Variants in FUNDC2 observed in about 807,000 individuals in gnomAD.
The protein encoded by FUNDC2 is FUN14 domain containing 2, also known as FUN14 domain-containing protein 2.
In FUNDC2, 4 loss-of-function variants were observed where a neutral mutation model predicts 15.6. That is an observed-to-expected ratio of 0.26 (90% confidence interval 0.13 to 0.59). The LOEUF is 0.59. Among genes scored for constraint, FUNDC2 ranks in the 20% least tolerant of loss-of-function variants. The probability of loss-of-function intolerance (pLI) is 0.90; values close to 1 mark genes in which losing one functional copy is unlikely to be tolerated. For synonymous variants in FUNDC2, 44 were observed against 56.9 expected (o/e 0.77, Z 1.02); for missense variants, 98 against 149.7 (o/e 0.65, Z 1.80).
At chrX:155,031,587 C>T (rs1447646860) in intron 1 of FUNDC2, among the ~76,000 whole-genome samples, 2 of 112,729 alleles carry the variant, frequency 1.8e-5, no homozygotes, top group African/African-American at 3.2e-5. Flanking sequence ...CCCAGGCTTT[C>T]CAAAGTGCTG....
At chrX:155,050,150 G>C (rs1208557724) in intron 3 of FUNDC2, 2 of 111,935 alleles carry the variant, frequency 1.8e-5, no homozygotes, top group African/African-American at 6.5e-5. Context: ...ACGGCGGACA[G>C]CTTTGCCTTG....
chrX:155,059,608 TA>T lies in FUNDC2; in HGVS notation c.*4938del, dbSNP rs1174873219. On this transcript the variant is annotated 3_prime_UTR_variant, in exon 5 of 5. Transcript: ENST00000369498. ...TATTTTATTTTTTTGTATGTCATAA[TA>T]ATACCTAAGAATAAGAAGAGTTAAA... The T allele has an allele frequency of 8.9e-6, 1 of 111,873 alleles. No homozygotes were observed. Among genetic ancestry groups the T allele is most frequent in the Admixed American group, 9.5e-5 (1 of 10,579 alleles). The allele number at this position is 111,873 out of a possible 1,213,427, so 9.2% of individuals were successfully genotyped here.
intron 3 of FUNDC2, among the ~76,000 whole-genome samples, chrX:155,048,749 GTCT>G (rs782788801): frequency 1.6e-4 from 18 of 112,232 alleles, no homozygotes; most frequent in South Asian, 3.6e-4. Context: ...AATTATTTAG[GTCT>G]TCTTTAATGC....
intron 2 of FUNDC2, among the ~76,000 whole-genome samples, chrX:155,044,395 A>G (rs1225273684): frequency 2.7e-5 from 3 of 111,915 alleles, no homozygotes; most frequent in African/African-American, 9.8e-5. Flanking sequence ...CAGAAGTCAG[A>G]AAGAGGAGGA....
rs782529021 is a variant in FUNDC2, at chrX:155,042,076, A to G, written c.285-4433A>G. On this transcript the variant is annotated intron_variant, in intron 2 of 4. Transcript: ENST00000369498. Reference sequence around the variant, plus strand: ...AGAGCGAGACTCCGTCTCAAAAAAAAAAAAAAAAAAGAAAAAAAAGAAAAA... The same window carrying G: ...AGAGCGAGACTCCGTCTCAAAAAAAGAAAAAAAAAAGAAAAAAAAGAAAAA... Among the ~76,000 whole-genome samples, 528 of 106,096 alleles carry G rather than the reference A, an allele frequency of 5.0e-3. 4 individuals are homozygous for G. The highest frequency in any genetic ancestry group is 0.017 in the African/African-American group (497 of 29,735). 92.1% of individuals were successfully genotyped at this position (106,096 alleles called of 115,157 possible).
intron 3 of FUNDC2, among the ~76,000 whole-genome samples, chrX:155,048,067 G>A (rs1350463841): frequency 9.0e-6 from 1 of 111,601 alleles, no homozygotes; most frequent in Non-Finnish European, 1.9e-5. Flanking sequence ...TTTTAATATT[G>A]CTTTGAAATG....
chrX:155,048,640 C>T, intron 3 of FUNDC2, among the ~76,000 whole-genome samples: 2 of 112,571 alleles, frequency 1.8e-5, no homozygotes, highest in Admixed American at 1.9e-4. Flanking sequence ...CAGTTATTTT[C>T]AAAAATCCTG....
rs2073910141 is a variant in FUNDC2 at position 155,057,371 on chromosome X, C to CCAAGG, written c.*2699_*2700insCAAGG. 9.0e-6 allele frequency: 1 copy of CCAAGG among 111,315 alleles called. No homozygotes were observed. Among genetic ancestry groups the CCAAGG allele is most frequent in the Non-Finnish European group, 1.9e-5 (1 of 52,576 alleles). 9.2% of individuals were successfully genotyped at this position (111,315 alleles called of 1,213,427 possible). On this transcript the variant is annotated 3_prime_UTR_variant, in exon 5 of 5. Transcript: ENST00000369498. The stretch of plus-strand genomic sequence containing the variant: ...ACTACTTTCATTTGACTGGAGAGGC[C>CCAAGG]TGCTTAGCTAGGCACGTATTTTCTC...
At chrX:155,039,041 A>G (rs1224179079) in intron 2 of FUNDC2, among the ~76,000 whole-genome samples, 1 of 112,276 alleles carries the variant, frequency 8.9e-6, no homozygotes, top group Non-Finnish European at 1.9e-5. Context: ...GATGATAGCC[A>G]TCCTAACAGG....
At chrX:155,043,284 A>G (rs1245124423) in intron 2 of FUNDC2, among the ~76,000 whole-genome samples, 1 of 112,335 alleles carries the variant, frequency 8.9e-6, no homozygotes, top group South Asian at 3.6e-4. Context: ...TCTACTTATT[A>G]TGTGCAATCT....
Position 155,056,581 on chromosome X carries a change from T to C in FUNDC2, c.*1909T>C, listed in dbSNP as rs1490890372. ...CTCTATATATATTGATATAGACATA[T>C]GTAGTGACACTGAGTCATCTGTTTC... On this transcript the variant is annotated 3_prime_UTR_variant, in exon 5 of 5. Transcript: ENST00000369498. 1 of 110,066 alleles carries C rather than the reference T, an allele frequency of 9.1e-6. No homozygotes were observed. Among genetic ancestry groups the C allele is most frequent in the Non-Finnish European group, 1.9e-5 (1 of 52,742 alleles). The allele number at this position is 110,066 out of a possible 1,213,427, so 9.1% of individuals were successfully genotyped here.
chrX:155,054,374 T>C, intron 4 of FUNDC2: 1 of 749,566 alleles, frequency 1.3e-6, no homozygotes, highest in South Asian at 6.8e-5. Context: ...TCTAGTCTTA[T>C]TCTCCCCACA....
At chrX:155,031,404 A>G (rs5945130) in intron 1 of FUNDC2, among the ~76,000 whole-genome samples, 26,138 of 110,978 alleles carry the variant, frequency 0.24, 2,264 homozygotes, top group South Asian at 0.39. Flanking sequence ...TCCTTGGCTC[A>G]CTGCAACCTT....
chrX:155,054,408 G>C, intron 4 of FUNDC2, 187 bp from the exon 5 acceptor site: 2 of 749,303 alleles, frequency 2.7e-6, no homozygotes, highest in Non-Finnish European at 3.1e-6. Flanking sequence ...ATTTTCATAT[G>C]TAAGTCTATT....
At chrX:155,045,552 A>G (rs1438258033) in intron 2 of FUNDC2, among the ~76,000 whole-genome samples, 1 of 112,300 alleles carries the variant, frequency 8.9e-6, no homozygotes, top group African/African-American at 3.2e-5. Context: ...ATGAGATTAA[A>G]GCTGAGAAGT....
At position 155,057,109 on chromosome X, in the gene FUNDC2, CAGAGCTGGCATGGAGGTTGAACACGCA is replaced by C. The variant is rs2073908476; in HGVS notation, c.*2438_*2464del. ...GCCACTGTGACCACTTGGGATTGTG[CAGAGCTGGCATGGAGGTTGAACACGCA>C]CAGCTGCACACCTTGTTTTCAGTTT... On this transcript the variant is annotated 3_prime_UTR_variant, in exon 5 of 5. Transcript: ENST00000369498. 1 of 104,271 alleles carries C rather than the reference CAGAGCTGGCATGGAGGTTGAACACGCA, an allele frequency of 9.6e-6. No homozygotes were observed. The highest frequency in any genetic ancestry group is 3.3e-5 in the African/African-American group (1 of 29,861). The allele number at this position is 104,271 out of a possible 1,213,427, so 8.6% of individuals were successfully genotyped here.
rs374240681 is a variant in FUNDC2, at chrX:155,051,710, G to A, written c.401G>A (p.Arg134Gln). The A allele has an allele frequency of 5.8e-6, 7 of 1,209,043 alleles. No homozygotes were observed. The highest frequency in any genetic ancestry group is 3.0e-5 in the East Asian group (1 of 33,810). Reference protein sequence around the residue: ...HTGYIKVDWQRVEKDMKKAKE... With the variant: ...HTGYIKVDWQQVEKDMKKAKE... ...GGGTACATCAAAGTTGACTGGCAAC[G>A]AGTGGAGAAGGACATGAAGAAAGCC... Residue 134 changes from arginine to glutamine, a missense_variant, in exon 4 of 5, where the codon CGA becomes CAA. Physicochemically the swap from Arg to Gln is conservative, Grantham distance 43. Transcript: ENST00000369498.
At chrX:155,054,517 A>G (rs188920211) in intron 4 of FUNDC2, 78 bp from the exon 5 acceptor site, 1 of 1,188,670 alleles carries the variant, frequency 8.4e-7, no homozygotes, top group African/African-American at 1.8e-5. Flanking sequence ...TAAGACTGGC[A>G]TAGGTATAAT....
At chrX:155,033,608 T>C (rs2073822640) in intron 2 of FUNDC2, 55 bp downstream of exon 2, 1 of 1,098,350 alleles carries the variant, frequency 9.1e-7, no homozygotes, top group Admixed American at 2.2e-5. Flanking sequence ...GTATTGCAGT[T>C]ATAGGTACCA....
Sources: allele counts gnomAD v4.1 joint callset (sites outside exome capture counted in the v4.1 genomes callset), GRCh38; gene constraint gnomAD v4.1.1; transcripts MANE v1.5; gene names NCBI Gene and HGNC (gene_info 2026-07-23, HGNC 2026-07-21).